The following CPT1A variants were observed in gnomAD, a reference collection of about 807,000 sequenced individuals.
CPT1A encodes the protein carnitine palmitoyltransferase 1A.
Under a neutral mutation model 100.8 loss-of-function variants are expected in CPT1A, and 64 were observed. The observed-to-expected ratio is 0.63, with a 90% CI of 0.52 to 0.78. The LOEUF is 0.78. Ranked by LOEUF, CPT1A falls within the 30% of genes least tolerant of loss-of-function variation. CPT1A has a pLI of 0.00. For synonymous variants in CPT1A, 363 were observed against 396.0 expected (o/e 0.92, Z 0.99); for missense variants, 802 against 1,034.1 (o/e 0.78, Z 3.08).
chr11:68,775,421 G>T lies in CPT1A; in HGVS notation c.1470C>A (p.Ser490=). The stretch of plus-strand genomic sequence containing the variant: ...CATAGCCCAGCTGGAGGCTGTCAAT[G>T]GACATGACGTACTGTCAAAAATAGA... ...IVAHLWEYVM[S]IDSLQLGYAE... is the part of the protein sequence containing the mutation. Residue 490 remains serine, a synonymous_variant, in exon 13 of 19, where the codon TCC becomes TCA. Transcript: ENST00000265641. 6.2e-7 allele frequency: 1 copy of T among 1,613,448 alleles called. No individual in the cohort carries two copies. The highest frequency in any genetic ancestry group is 8.5e-7 in the Non-Finnish European group (1 of 1,179,362).
chr11:68,788,630 T>TAAAAAAAAAAAAAA, intron 9 of CPT1A, among the ~76,000 whole-genome samples: 6 of 27,548 alleles, frequency 2.2e-4, no homozygotes, highest in African/African-American at 4.3e-4. Flanking sequence ...CAAACAAAAG[T>TAAAAAAAAAAAAAA]AAAAAAAAAA....
chr11:68,799,755 CAA>C (rs1296868500), intron 5 of CPT1A, among the ~76,000 whole-genome samples: 4 of 139,536 alleles, frequency 2.9e-5, no homozygotes, highest in Admixed American at 7.2e-5. Context: ...GACCCTATCT[CAA>C]AAAAAAAAAA....
chr11:68,760,285 C>T lies in CPT1A; in HGVS notation c.2082G>A (p.Val694=), dbSNP rs2153994793. The T allele has an allele frequency of 6.2e-7, 1 of 1,612,948 alleles. No homozygotes were observed. The highest frequency in any genetic ancestry group is 8.5e-7 in the Non-Finnish European group (1 of 1,179,744). Residue 694 remains valine, a synonymous_variant, in exon 17 of 19, where the codon GTG becomes GTA. Coordinates refer to ENST00000265641, the MANE Select transcript of CPT1A (RefSeq NM_001876.4). ...GGTTATTCTCCAAGTCAAACAGCTC[C>T]ACTTGCTGCTGAGGGGTCTGGCTTG... ...LSTSQTPQQQ[V]ELFDLENNPE... is the part of the protein sequence containing the mutation.
intron 9 of CPT1A, among the ~76,000 whole-genome samples, chr11:68,791,334 A>G (rs953181597): frequency 1.3e-5 from 2 of 152,118 alleles, no homozygotes; most frequent in Admixed American, 6.6e-5. Flanking sequence ...TGCCCCTCCA[A>G]TCAGGGAGAC....
chr11:68,805,098 C>T (rs1040356009), intron 4 of CPT1A, among the ~76,000 whole-genome samples: 12 of 152,172 alleles, frequency 7.9e-5, no homozygotes, highest in African/African-American at 2.9e-4. Flanking sequence ...GTGTTAAATT[C>T]TGCTTCTCTA....
In CPT1A at chr11:68,781,950, C is replaced by T; in HGVS notation, c.1173G>A (p.Trp391Ter). 1 of 1,614,168 alleles carries T rather than the reference C, an allele frequency of 6.2e-7. No individual in the cohort carries two copies. Among genetic ancestry groups the T allele is most frequent in the Non-Finnish European group, 8.5e-7 (1 of 1,180,024 alleles). The part of the protein sequence containing the change: ...AALTAGDRVP[W>*]ARCRQAYFGR... ...CAAAATAGGCCTGACGACACCTGGC[C>T]CAGGGAACTCTGCAGTGAAGATGAA... The change falls in exon 11 of 19, where the codon TGG becomes TGA. Residue 391 changes from tryptophan to a stop codon, truncating the protein, a stop_gained. Coordinates refer to ENST00000265641, the MANE Select transcript of CPT1A (RefSeq NM_001876.4). LOFTEE classifies it high-confidence loss of function.
rs1456795974 is a variant in CPT1A at position 68,761,629 on chromosome 11, C to T, written c.1934G>A (p.Arg645His). The T allele has an allele frequency of 2.5e-6, 4 of 1,613,972 alleles. No individual in the cohort carries two copies. Among genetic ancestry groups the T allele is most frequent in the Middle Eastern group, 1.6e-4 (1 of 6,084 alleles). Residue 645 changes from arginine to histidine, a missense_variant, in exon 16 of 19, where the codon CGC (arginine) becomes CAC (histidine). Arg to His is a conservative substitution (Grantham distance 29). Around this residue, in one of 4 missense-constraint regions of CPT1A, gnomAD observed 627 missense variants for 799.3 expected, o/e 0.78. Transcript: ENST00000265641. ...GATCCCAGAGCCGGTCATGGCGAGGCGATACATATGCTGATGCTTCTCAGA... is the reference window on the plus strand; with the variant it reads ...GATCCCAGAGCCGGTCATGGCGAGGTGATACATATGCTGATGCTTCTCAGA... ...LASEKHQHMY[R>H]LAMTGSGIDR...
At position 68,794,930 on chromosome 11, in the gene CPT1A, G is replaced by A. The variant is rs1424868199; in HGVS notation, c.772-19C>T. 1 of 1,598,270 alleles carries A rather than the reference G, an allele frequency of 6.3e-7. No homozygotes were observed. The highest frequency in any genetic ancestry group is 2.2e-5 in the East Asian group (1 of 44,830). On this transcript the variant is annotated intron_variant, in intron 7 of 18. Transcript: ENST00000265641. ...GCAGATCCTGAAAAGCGACAAAGGT[G>A]GAGAGAATTTGCATAGGGAAAGATA...
At chr11:68,792,595 G>C (rs780915531) in intron 9 of CPT1A, among the ~76,000 whole-genome samples, 3 of 152,224 alleles carry the variant, frequency 2.0e-5, no homozygotes, top group Admixed American at 1.3e-4. Context: ...AGGACGTCCT[G>C]GTTTGGACGG....
chr11:68,769,662 A>C (rs1854930938), intron 14 of CPT1A, among the ~76,000 whole-genome samples: 1 of 151,936 alleles, frequency 6.6e-6, no homozygotes, highest in African/African-American at 2.4e-5. Flanking sequence ...GTTACAGGTG[A>C]CTCTCAAATG....
At chr11:68,792,695 C>T (rs1019319812) in intron 9 of CPT1A, among the ~76,000 whole-genome samples, 10 of 152,206 alleles carry the variant, frequency 6.6e-5, no homozygotes, top group Non-Finnish European at 1.2e-4. Flanking sequence ...ACCCAGTGTG[C>T]GTTCCATCAC....
At chr11:68,828,409 C>CCG (rs398097598) in intron 1 of CPT1A, among the ~76,000 whole-genome samples, 4 of 151,982 alleles carry the variant, frequency 2.6e-5, no homozygotes, top group South Asian at 2.1e-4. Flanking sequence ...CAGGGCCCCC[C>CCG]ACCTCCCACC....
intron 5 of CPT1A, among the ~76,000 whole-genome samples, chr11:68,800,232 G>A (rs368236093): frequency 1.3e-5 from 2 of 152,100 alleles, no homozygotes; most frequent in Admixed American, 6.6e-5. Flanking sequence ...ACCCCGCCTC[G>A]TCCTTTTACA....
At chr11:68,809,890 G>A (rs1856151618) in intron 3 of CPT1A, among the ~76,000 whole-genome samples, 1 of 152,162 alleles carries the variant, frequency 6.6e-6, no homozygotes, top group Non-Finnish European at 1.5e-5. Context: ...GTAAATTAAA[G>A]AACTGGCCTG....
chr11:68,823,905 T>C (rs888067827), intron 1 of CPT1A, among the ~76,000 whole-genome samples: 30 of 152,204 alleles, frequency 2.0e-4, no homozygotes, highest in African/African-American at 7.2e-4. Context: ...TACCGCATGT[T>C]CTCACCTATA....
In CPT1A at chr11:68,781,939, C is replaced by T. The variant is rs768667071; in HGVS notation, c.1184G>A (p.Arg395His). Residue 395 changes from arginine (R) to histidine (H), a missense_variant, in exon 11 of 19, where the codon CGT (arginine) becomes CAT (histidine). By Grantham distance (29) the Arg-to-His change is conservative. Coordinates refer to ENST00000265641, the MANE Select transcript of CPT1A (RefSeq NM_001876.4). ...TTTCCCACGTCCAAAATAGGCCTGA[C>T]GACACCTGGCCCAGGGAACTCTGCA... ...AGDRVPWARCRQAYFGRGKNK... is the reference protein window; with the variant it reads ...AGDRVPWARCHQAYFGRGKNK... 1.1e-5 allele frequency: 17 copies of T among 1,614,042 alleles called. No individual in the cohort carries two copies. Among genetic ancestry groups the T allele is most frequent in the East Asian group, 2.2e-5 (1 of 44,898 alleles).
chr11:68,799,157 T>A, intron 6 of CPT1A, 61 bp downstream of exon 6: 1 of 1,493,178 alleles, frequency 6.7e-7, no homozygotes, highest in Non-Finnish European at 9.2e-7. Context: ...TCCCTGCCCC[T>A]CAAAATTAGC....
chr11:68,773,173 C>T (rs778636011), intron 14 of CPT1A, 92 bp downstream of exon 14: 25 of 1,586,206 alleles, frequency 1.6e-5, no homozygotes, highest in African/African-American at 4.0e-5. Flanking sequence ...TGCCGGGTTT[C>T]GGGCCTTCCC....
At chr11:68,762,905 GGCATGCAGTA>G in intron 14 of CPT1A, 144 bp from the exon 15 acceptor site, 1 of 1,007,460 alleles carries the variant, frequency 9.9e-7, no homozygotes, top group Non-Finnish European at 1.5e-6. Flanking sequence ...TGCCCAGGCT[GGCATGCAGTA>G]GCATGATCAC....
Sources: allele counts gnomAD v4.1 joint callset (sites outside exome capture counted in the v4.1 genomes callset), GRCh38; gene constraint gnomAD v4.1.1; regional missense constraint gnomAD v4.1.1; transcripts MANE v1.5; gene names NCBI Gene and HGNC (gene_info 2026-07-23, HGNC 2026-07-21).